SDC1: variants seen among roughly 807,000 people sequenced by gnomAD.
The protein encoded by SDC1 is syndecan-1.
In SDC1, 14 loss-of-function variants were observed where a neutral mutation model predicts 29.7. That is an observed-to-expected ratio of 0.47 (90% CI 0.31 to 0.74). SDC1 has a LOEUF of 0.74. Among genes scored for constraint, SDC1 ranks in the 30% least tolerant of loss-of-function variants. The probability of loss-of-function intolerance (pLI) is 0.05; values close to 1 mark genes in which losing one functional copy is unlikely to be tolerated. For synonymous variants in SDC1, 204 were observed against 175.5 expected, an observed-to-expected ratio of 1.16 and a Z score of -1.29; for missense variants, 406 against 400.3, an observed-to-expected ratio of 1.01 and a Z score of -0.12.
rs1030592280 is a variant in SDC1 at position 20,224,562 on chromosome 2, G to A, written c.66+240C>T. Among the ~76,000 whole-genome samples the A allele has an allele frequency of 2.6e-5, 4 of 151,734 alleles. No homozygotes were observed. Among genetic ancestry groups the A allele is most frequent in the Non-Finnish European group, 5.9e-5 (4 of 67,854 alleles). On this transcript the variant is annotated intron_variant, in intron 1 of 4. Transcript: ENST00000254351. The surrounding 1 kb of genome is among the most constrained non-coding windows in gnomAD (Gnocchi z 4.9). ...ATGTGGAGACGTTTTACATAATTGAGCGCGGGGCCCCGGCCCCCCACCCTC... is the reference window on the plus strand; with the variant it reads ...ATGTGGAGACGTTTTACATAATTGAACGCGGGGCCCCGGCCCCCCACCCTC...
intron 1 of SDC1, chr2:20,207,781 C>T (rs1677327102): frequency 5.2e-6 from 1 of 192,686 alleles, no homozygotes; most frequent in South Asian, 1.8e-4. Context: ...ATCCGATCTA[C>T]AACATCTCCA....
intron 1 of SDC1, among the ~76,000 whole-genome samples, chr2:20,210,410 G>C (rs1572466268): frequency 6.6e-6 from 1 of 152,176 alleles, no homozygotes; most frequent in African/African-American, 2.4e-5. Context: ...ATTTAAAAAG[G>C]GGGAGCTTCA....
In SDC1 at chr2:20,202,723, G is replaced by A; in HGVS notation, c.*43C>T. 2.6e-6 allele frequency: 4 copies of A among 1,541,748 alleles called. No homozygotes were observed. Among genetic ancestry groups the A allele is most frequent in the Non-Finnish European group, 3.5e-6 (4 of 1,139,988 alleles). On this transcript the variant is annotated 3_prime_UTR_variant, in exon 5 of 5. Coordinates refer to ENST00000254351, the MANE Select transcript of SDC1 (RefSeq NM_002997.5). Reference sequence around the variant, plus strand: ...GTTCTTCAAGGAAGAGGCAAGTGGGGGCCTAGTGAGTGGCAGGGCGGAGGG... The same window carrying A: ...GTTCTTCAAGGAAGAGGCAAGTGGGAGCCTAGTGAGTGGCAGGGCGGAGGG...
In SDC1 at chr2:20,224,862, C is replaced by T; in HGVS notation, c.6G>A (p.Arg2=). 1 of 1,246,786 alleles carries T rather than the reference C, an allele frequency of 8.0e-7. No individual in the cohort carries two copies. Among genetic ancestry groups the T allele is most frequent in the Non-Finnish European group, 1.0e-6 (1 of 997,198 alleles). The allele number at this position is 1,246,786 out of a possible 1,614,324, so 77.2% of individuals were successfully genotyped here. The part of the protein sequence containing the change: M[R]RAALWLWLCA... ...ACAGCCAGAGCCAGAGCGCCGCGCGCCTCATGCTGCCCGGACCGGCGGCGG... is the reference window on the plus strand; with the variant it reads ...ACAGCCAGAGCCAGAGCGCCGCGCGTCTCATGCTGCCCGGACCGGCGGCGG... Residue 2 remains arginine (R), a synonymous_variant, in exon 1 of 5, where the codon AGG becomes AGA. Transcript: ENST00000254351. The surrounding 1 kb of genome is among the most constrained non-coding windows in gnomAD (Gnocchi z 4.9).
chr2:20,218,582 GAC>G (rs1019086510), intron 1 of SDC1, among the ~76,000 whole-genome samples: 1 of 147,400 alleles, frequency 6.8e-6, no homozygotes, highest in Non-Finnish European at 1.5e-5. Context: ...CACGGACACA[GAC>G]ACACACAGAT....
At position 20,203,151 on chromosome 2, in the gene SDC1, G is replaced by A. The variant is rs765784628; in HGVS notation, c.699C>T (p.Ser233=). 2.9e-5 allele frequency: 46 copies of A among 1,613,098 alleles called. No individual in the cohort carries two copies. The South Asian group carries it at 3.8e-4, about 13-fold the overall frequency. Residue 233 remains serine (S), a synonymous_variant, in exon 4 of 5, where the codon TCC becomes TCT. Transcript: ENST00000254351. ...VAVEPDRRNQ[S]PVDQGATGAS... ...CCCCCGTGGCCCCCTGATCCACTGG[G>A]GACTGGTTCCGGCGGTCAGGCTCCA...
At position 20,204,035 on chromosome 2, in the gene SDC1, A is replaced by C. The variant is rs370223328; in HGVS notation, c.405T>G (p.His135Gln). Residue 135 changes from histidine (H) to glutamine (Q), a missense_variant, in exon 3 of 5, where the codon CAT (histidine) becomes CAG (glutamine). Transcript: ENST00000254351. ...PRETTQLPTT[H>Q]LASTTTATTA... is the part of the protein sequence containing the mutation. ...TGGTGGCTGTGGTCGTTGAGGCCAG[A>C]TGAGTGGTCGGGAGCTGTGTGGTCT... 6.2e-7 allele frequency: 1 copy of C among 1,612,244 alleles called. No homozygotes were observed. Among genetic ancestry groups the C allele is most frequent in the Non-Finnish European group, 8.5e-7 (1 of 1,179,314 alleles).
intron 1 of SDC1, chr2:20,208,219 G>T: frequency 1.7e-6 from 1 of 593,314 alleles, no homozygotes; most frequent in Non-Finnish European, 2.1e-6. Context: ...ACGCCAGGGA[G>T]GCCCCAACAC....
chr2:20,210,260 G>A (rs1677422370), intron 1 of SDC1, among the ~76,000 whole-genome samples: 2 of 152,178 alleles, frequency 1.3e-5, no homozygotes, highest in Admixed American at 6.5e-5. Context: ...AGAATCACTT[G>A]AACCCAGGAG....
intron 1 of SDC1, among the ~76,000 whole-genome samples, chr2:20,211,482 G>C (rs1677463209): frequency 6.6e-6 from 1 of 152,230 alleles, no homozygotes; most frequent in Admixed American, 6.5e-5. Flanking sequence ...CACCACGGTG[G>C]CAGCCCAGCC....
intron 1 of SDC1, among the ~76,000 whole-genome samples, chr2:20,210,476 C>T (rs1018970715): frequency 6.6e-6 from 1 of 152,200 alleles, no homozygotes; most frequent in African/African-American, 2.4e-5. Context: ...GGCCTTGAAG[C>T]CCCCAAACCA....
At chr2:20,210,772 G>A (rs1025744333) in intron 1 of SDC1, among the ~76,000 whole-genome samples, 3 of 152,140 alleles carry the variant, frequency 2.0e-5, no homozygotes, top group Non-Finnish European at 4.4e-5. Context: ...TGGGGCCAGT[G>A]GACAGGAGAG....
At chr2:20,215,330 C>A (rs1206594272) in intron 1 of SDC1, among the ~76,000 whole-genome samples, 2 of 152,182 alleles carry the variant, frequency 1.3e-5, no homozygotes, top group Non-Finnish European at 2.9e-5. Flanking sequence ...CAGCCCATAC[C>A]TTCTCAGGTC....
chr2:20,217,620 C>A (rs370703939), intron 1 of SDC1, among the ~76,000 whole-genome samples: 14 of 152,304 alleles, frequency 9.2e-5, no homozygotes, highest in Admixed American at 3.9e-4. Flanking sequence ...AAAGCCAGGC[C>A]CCTGAGCCCC....
At position 20,204,011 on chromosome 2, in the gene SDC1, G is replaced by A; in HGVS notation, c.429C>T (p.Thr143=). Residue 143 remains threonine (T), a synonymous_variant, in exon 3 of 5, where the codon ACC becomes ACT. Coordinates refer to ENST00000254351, the MANE Select transcript of SDC1 (RefSeq NM_002997.5). ...TTHLASTTTA[T]TAQEPATSHP... ...GGGAGGTGGCGGGCTCCTGGGCCGT[G>A]GTGGCTGTGGTCGTTGAGGCCAGAT... 1 of 1,613,442 alleles carries A rather than the reference G, an allele frequency of 6.2e-7. No individual in the cohort carries two copies. The highest frequency in any genetic ancestry group is 1.1e-5 in the South Asian group (1 of 91,056).
At chr2:20,217,865 C>T (rs115028095) in intron 1 of SDC1, among the ~76,000 whole-genome samples, 109 of 152,244 alleles carry the variant, frequency 7.2e-4, no homozygotes, top group African/African-American at 2.5e-3. Flanking sequence ...GGTGTGTGTG[C>T]GGAGAACATC....
intron 1 of SDC1, chr2:20,208,196 G>A: frequency 6.8e-6 from 6 of 875,930 alleles, no homozygotes; most frequent in African/African-American, 3.6e-5. Flanking sequence ...ACACCGCCCA[G>A]TGAGACCCAG....
intron 1 of SDC1, among the ~76,000 whole-genome samples, chr2:20,211,068 C>G (rs1273935120): frequency 6.6e-6 from 1 of 152,186 alleles, no homozygotes; most frequent in Non-Finnish European, 1.5e-5. Context: ...CCTTTACCCC[C>G]ACCTCTGCAT....
At chr2:20,211,194 C>T (rs954523871) in intron 1 of SDC1, among the ~76,000 whole-genome samples, 2 of 152,176 alleles carry the variant, frequency 1.3e-5, no homozygotes, top group African/African-American at 2.4e-5. Context: ...TGAAGTCTTT[C>T]GAGTTCCCCG....
Sources: gnomAD v4.1 joint callset for allele counts (sites outside exome capture counted in the v4.1 genomes callset) on GRCh38, gnomAD v4.1.1 for gene constraint, Gnocchi (gnomAD v3.1) non-coding constraint, MANE v1.5 for transcripts, NCBI Gene and HGNC (gene_info 2026-07-23, HGNC 2026-07-21) for gene names.